NRG3: variants seen among roughly 807,000 people sequenced by gnomAD.
NRG3 encodes neuregulin 3.
A neutral mutation model predicts 66.9 loss-of-function variants in NRG3; 31 were observed. That is an observed-to-expected ratio of 0.46 (90% confidence interval 0.35 to 0.63). The LOEUF is 0.63. NRG3 is among the 20% of genes least tolerant of loss of function. The pLI is 0.00. For missense variants in NRG3, 910 were observed against 878.9 expected (o/e 1.04, Z -0.45); for synonymous variants, 393 against 359.4 (o/e 1.09, Z -1.06).
At chr10:82,305,987 A>G (rs1322330659) in intron 1 of NRG3, among the ~76,000 whole-genome samples, 1 of 152,226 alleles carries the variant, frequency 6.6e-6, no homozygotes. Context: ...TGAGAGAGAT[A>G]TATTTATCTG....
intron 1 of NRG3, among the ~76,000 whole-genome samples, chr10:82,147,723 C>T (rs1205845574): frequency 6.6e-6 from 1 of 152,154 alleles, no homozygotes; most frequent in Non-Finnish European, 1.5e-5. Flanking sequence ...TATCAGTAAT[C>T]ATGCATATGC....
At chr10:82,612,267 C>A (rs981061530) in intron 2 of NRG3, among the ~76,000 whole-genome samples, 1 of 151,980 alleles carries the variant, frequency 6.6e-6, no homozygotes, top group African/African-American at 2.4e-5. Flanking sequence ...AAATTCTTAA[C>A]GTTGTATGTC....
At chr10:82,830,467 T>TA (rs1304496325) in intron 3 of NRG3, among the ~76,000 whole-genome samples, 16 of 152,186 alleles carry the variant, frequency 1.1e-4, no homozygotes, top group Middle Eastern at 3.2e-3. Flanking sequence ...ACCTAGATGA[T>TA]TTACAACATG....
intron 1 of NRG3, among the ~76,000 whole-genome samples, chr10:81,955,643 G>T (rs567920436): frequency 6.6e-6 from 1 of 152,126 alleles, no homozygotes; most frequent in Admixed American, 6.6e-5. Flanking sequence ...TGAAGAACAG[G>T]CTGGAAAGTG....
intron 4 of NRG3, among the ~76,000 whole-genome samples, chr10:82,882,552 C>T (rs2065535): frequency 0.059 from 8,939 of 152,260 alleles, 425 homozygotes; most frequent in African/African-American, 0.13. Context: ...GTGGAAGAAT[C>T]GCTGGTCCAT....
Position 82,772,634 on chromosome 10 carries a change from T to C in NRG3, c.1027+33984T>C, listed in dbSNP as rs140481232. Among the ~76,000 whole-genome samples, 446 of 151,970 alleles carry C rather than the reference T, an allele frequency of 2.9e-3. 5 individuals carry two copies. The highest frequency in any genetic ancestry group is 0.01 in the African/African-American group (416 of 41,468). ...CTTAACATAAGGTCTTCTGGGGTCA[T>C]CCATGTCGTAACAAATGGCAACGTC... On this transcript the variant is annotated intron_variant, in intron 3 of 8. Coordinates refer to ENST00000372141, the MANE Select transcript of NRG3 (RefSeq NM_001010848.4).
chr10:82,707,669 C>T (rs983975654), intron 2 of NRG3, among the ~76,000 whole-genome samples: 1 of 151,468 alleles, frequency 6.6e-6, no homozygotes, highest in Non-Finnish European at 1.5e-5. Context: ...GCTGGGATTA[C>T]AGGTGTGAGC....
At chr10:82,661,197 G>C (rs1228387295) in intron 2 of NRG3, among the ~76,000 whole-genome samples, 1 of 152,030 alleles carries the variant, frequency 6.6e-6, no homozygotes, top group Non-Finnish European at 1.5e-5. Context: ...CATTGTTTCA[G>C]GAGCTAGGAT....
chr10:82,495,842 A>ACACACACACACAC (rs1554944162), intron 2 of NRG3, among the ~76,000 whole-genome samples: 1 of 151,672 alleles, frequency 6.6e-6, no homozygotes, highest in African/African-American at 2.4e-5. Context: ...ACACACACAC[A>ACACACACACACAC]AAGATGCAAA....
intron 2 of NRG3, among the ~76,000 whole-genome samples, chr10:82,626,551 T>A (rs765333009): frequency 1.1e-4 from 17 of 152,226 alleles, no homozygotes; most frequent in Middle Eastern, 3.4e-3. Context: ...CCTAAAGGAT[T>A]TCTTCTCTTG....
chr10:82,384,732 A>T (rs759841917), intron 2 of NRG3, among the ~76,000 whole-genome samples: 7 of 152,206 alleles, frequency 4.6e-5, no homozygotes, highest in Non-Finnish European at 8.8e-5. Context: ...TAGTGATGCC[A>T]TGAAAATACA....
intron 1 of NRG3, chr10:82,232,232 A>G (rs2076514039): frequency 6.5e-6 from 1 of 153,402 alleles, no homozygotes; most frequent in African/African-American, 2.4e-5. Flanking sequence ...ATGCAGGGGG[A>G]AAGGGACTTT....
At chr10:81,968,316 A>G (rs928884569) in intron 1 of NRG3, among the ~76,000 whole-genome samples, 5 of 152,142 alleles carry the variant, frequency 3.3e-5, no homozygotes, top group African/African-American at 9.7e-5. Flanking sequence ...ACTCTGTCCT[A>G]ATCAATCACT....
At chr10:81,925,695 A>G (rs1846701181) in intron 1 of NRG3, among the ~76,000 whole-genome samples, 1 of 152,116 alleles carries the variant, frequency 6.6e-6, no homozygotes, top group African/African-American at 2.4e-5. Context: ...AGGAGCTTTA[A>G]TGGCTATTAA....
intron 4 of NRG3, among the ~76,000 whole-genome samples, chr10:82,927,193 G>A (rs1464275744): frequency 6.6e-6 from 1 of 152,162 alleles, no homozygotes; most frequent in African/African-American, 2.4e-5. Context: ...GTGCTGAAGG[G>A]TGGTGGCTTC....
At chr10:82,771,537 A>G (rs2059711273) in intron 3 of NRG3, among the ~76,000 whole-genome samples, 1 of 152,132 alleles carries the variant, frequency 6.6e-6, no homozygotes, top group Non-Finnish European at 1.5e-5. Context: ...AAGTGTGGCA[A>G]TCTGTTCTTA....
chr10:82,195,357 A>T (rs1589275383), intron 1 of NRG3, among the ~76,000 whole-genome samples: 1 of 152,164 alleles, frequency 6.6e-6, no homozygotes, highest in East Asian at 1.9e-4. Context: ...ATAAACATAC[A>T]AATAATAAAA....
intron 2 of NRG3, among the ~76,000 whole-genome samples, chr10:82,542,688 A>G (rs2043622775): frequency 6.6e-6 from 1 of 152,240 alleles, no homozygotes; most frequent in Non-Finnish European, 1.5e-5. Context: ...AAAACAGAGC[A>G]TCACTCTTGT....
chr10:82,544,968 T>C (rs1475569695), intron 2 of NRG3, among the ~76,000 whole-genome samples: 2 of 152,212 alleles, frequency 1.3e-5, no homozygotes, highest in Non-Finnish European at 2.9e-5. Flanking sequence ...AATCGAGGAC[T>C]GTATTTCAGA....
Sources: allele counts gnomAD v4.1 joint callset (sites outside exome capture counted in the v4.1 genomes callset), GRCh38; gene constraint gnomAD v4.1.1; transcripts MANE v1.5; gene names NCBI Gene and HGNC (gene_info 2026-07-23, HGNC 2026-07-21).